The following STX6 variants were observed in gnomAD, a reference collection of about 807,000 sequenced individuals.
STX6 encodes syntaxin 6.
Under a neutral mutation model 38.0 loss-of-function variants are expected in STX6, and 23 were observed. The observed-to-expected ratio is 0.60, with a 90% CI of 0.43 to 0.86. The LOEUF is 0.86. Among genes scored for constraint, STX6 ranks in the 40% least tolerant of loss-of-function variants. The pLI is 0.00. For synonymous variants in STX6, 123 were observed against 107.5 expected (o/e 1.14, Z -0.89); for missense variants, 274 against 312.9 (o/e 0.88, Z 0.94).
intron 6 of STX6, chr1:180,987,675 C>T (rs1016842559): frequency 6.6e-5 from 10 of 151,910 alleles, no homozygotes; most frequent in Non-Finnish European, 1.2e-4. Flanking sequence ...TTTTTGCCAT[C>T]GAACTTCTGG....
At position 181,022,785 on chromosome 1, in the gene STX6, G is replaced by T; in HGVS notation, c.-112C>A. On this transcript the variant is annotated 5_prime_UTR_variant, in exon 1 of 8. Transcript: ENST00000258301. ...CGCAGCTGCCCGCGCCTTAGTCTGGGTGAAGCCGAGCAGCGGGCACGCGCA... is the reference window on the plus strand; with the variant it reads ...CGCAGCTGCCCGCGCCTTAGTCTGGTTGAAGCCGAGCAGCGGGCACGCGCA... The T allele has an allele frequency of 1.8e-6, 2 of 1,122,296 alleles. No individual in the cohort carries two copies. The highest frequency in any genetic ancestry group is 2.6e-6 in the Non-Finnish European group (2 of 774,854). 69.5% of individuals were successfully genotyped at this position (1,122,296 alleles called of 1,614,324 possible).
intron 7 of STX6, among the ~76,000 whole-genome samples, chr1:180,978,191 T>C (rs1655306413): frequency 6.6e-6 from 1 of 152,318 alleles, no homozygotes; most frequent in South Asian, 2.1e-4. Context: ...AAGTCATCAC[T>C]CTGTCGTAAC....
intron 6 of STX6, among the ~76,000 whole-genome samples, chr1:180,986,449 C>T (rs1329294312): frequency 6.6e-6 from 1 of 152,172 alleles, no homozygotes; most frequent in Non-Finnish European, 1.5e-5. Context: ...TCAGACTGGC[C>T]ACATAACACT....
intron 3 of STX6, among the ~76,000 whole-genome samples, chr1:180,995,049 G>A (rs375142543): frequency 2.0e-5 from 3 of 150,802 alleles, no homozygotes; most frequent in South Asian, 2.1e-4. Flanking sequence ...TGCAACCTCC[G>A]CCTCCTGGGT....
intron 1 of STX6, 62 bp downstream of exon 1, chr1:181,022,577 G>A (rs1266766301): frequency 2.6e-6 from 4 of 1,545,502 alleles, no homozygotes; most frequent in Non-Finnish European, 3.5e-6. Context: ...AGAAGACCTA[G>A]GAGGTGCGGG....
intron 7 of STX6, among the ~76,000 whole-genome samples, chr1:180,978,914 A>T (rs867346233): frequency 6.6e-6 from 1 of 152,244 alleles, no homozygotes; most frequent in African/African-American, 2.4e-5. Flanking sequence ...CAAAAAGGTA[A>T]AAGGCACACT....
chr1:180,983,453 A>C (rs1287516999), intron 7 of STX6, among the ~76,000 whole-genome samples: 2 of 152,220 alleles, frequency 1.3e-5, no homozygotes, highest in African/African-American at 4.8e-5. Flanking sequence ...GGATTTTTTA[A>C]AATTTAAAAT....
chr1:180,980,407 T>C (rs2102300475), intron 7 of STX6, among the ~76,000 whole-genome samples: 1 of 152,184 alleles, frequency 6.6e-6, no homozygotes, highest in East Asian at 1.9e-4. Flanking sequence ...GAATTCAAAC[T>C]GGTACAGCCA....
At chr1:180,983,470 T>C (rs1218090118) in intron 7 of STX6, among the ~76,000 whole-genome samples, 1 of 152,220 alleles carries the variant, frequency 6.6e-6, no homozygotes, top group Non-Finnish European at 1.5e-5. Flanking sequence ...AAATATATTA[T>C]TTCCCATGTA....
rs764430115 is a variant in STX6, at chr1:181,005,356, T to G, written c.143A>C (p.Asn48Thr). Residue 48 changes from asparagine (N) to threonine (T), a missense_variant, in exon 2 of 8, where the codon AAC (asparagine) becomes ACC (threonine). Coordinates refer to ENST00000258301, the MANE Select transcript of STX6 (RefSeq NM_005819.6). The part of the protein sequence containing the change: ...ATREEIDWTT[N>T]ELRNNLRSIE... ...GCTCCGGAGGTTATTTCTCAGCTCG[T>G]TGGTGGTCCAGTCGATTTCTTCCCT... 4 of 1,614,148 alleles carry G rather than the reference T, an allele frequency of 2.5e-6. No individual in the cohort carries two copies. The highest frequency in any genetic ancestry group is 2.2e-5 in the South Asian group (2 of 91,090).
chr1:180,995,910 GC>G (rs1277023076), intron 3 of STX6, among the ~76,000 whole-genome samples: 1 of 152,152 alleles, frequency 6.6e-6, no homozygotes, highest in East Asian at 1.9e-4. Context: ...TTCTGGGGGT[GC>G]TGGTAACACC....
chr1:181,002,194 T>C (rs1348536011), intron 3 of STX6, among the ~76,000 whole-genome samples: 1 of 152,200 alleles, frequency 6.6e-6, no homozygotes, highest in Non-Finnish European at 1.5e-5. Context: ...AATTTTTTTT[T>C]TTTTTTAAGG....
chr1:180,982,348 T>G (rs1655442243), intron 7 of STX6, among the ~76,000 whole-genome samples: 1 of 152,184 alleles, frequency 6.6e-6, no homozygotes, highest in Admixed American at 6.5e-5. Flanking sequence ...AGTATTTCTT[T>G]GGGTAGCAAG....
At position 180,988,325 on chromosome 1, in the gene STX6, A is replaced by T. The variant is rs201572667; in HGVS notation, c.510T>A (p.Asp170Glu). 270 of 1,613,910 alleles carry T rather than the reference A, an allele frequency of 1.7e-4. 2 individuals are homozygous for T. The highest frequency in any genetic ancestry group is 6.7e-5 in the East Asian group (3 of 44,884). The change falls in exon 6 of 8, where the codon GAT (aspartate) becomes GAA (glutamate). Residue 170 changes from aspartate (D) to glutamate (E), a missense_variant. Coordinates refer to ENST00000258301, the MANE Select transcript of STX6 (RefSeq NM_005819.6). ...TGCCAGAGACCAGCTCCAACTGCTC[A>T]TCCTGCTGTTCCACGATCAACTGGT... The part of the protein sequence containing the change: ...AQQQLIVEQQ[D>E]EQLELVSGSI...
intron 7 of STX6, among the ~76,000 whole-genome samples, chr1:180,982,023 C>T (rs1655432188): frequency 6.6e-6 from 1 of 152,170 alleles, no homozygotes; most frequent in Non-Finnish European, 1.5e-5. Context: ...TCAGTATCTA[C>T]TTAAAATAAA....
chr1:181,014,369 G>A (rs1192192160), intron 1 of STX6, among the ~76,000 whole-genome samples: 1 of 149,442 alleles, frequency 6.7e-6, no homozygotes, highest in Non-Finnish European at 1.5e-5. Context: ...ACTCCAGCTT[G>A]GGAGACAGAG....
intron 1 of STX6, 37 bp downstream of exon 1, chr1:181,022,602 A>C (rs1311054672): frequency 1.3e-6 from 2 of 1,595,942 alleles, no homozygotes; most frequent in South Asian, 1.1e-5. Context: ...CAGCACCGCC[A>C]CCTCTTCCTC....
chr1:180,979,052 GA>G (rs1288621163), intron 7 of STX6, among the ~76,000 whole-genome samples: 2 of 152,144 alleles, frequency 1.3e-5, no homozygotes, highest in African/African-American at 4.8e-5. Flanking sequence ...GGCTTTAATG[GA>G]AAAAGTAAAC....
intron 1 of STX6, among the ~76,000 whole-genome samples, chr1:181,005,937 T>C (rs1656214106): frequency 6.6e-6 from 1 of 152,210 alleles, no homozygotes; most frequent in Admixed American, 6.5e-5. Context: ...TACCATTTTA[T>C]TATAGGTTAA....
Sources: gnomAD v4.1 joint callset for allele counts (sites outside exome capture counted in the v4.1 genomes callset) on GRCh38, gnomAD v4.1.1 for gene constraint, MANE v1.5 for transcripts, NCBI Gene and HGNC (gene_info 2026-07-23, HGNC 2026-07-21) for gene names.